The following SLC25A26 variants were observed in gnomAD, a reference collection of about 807,000 sequenced individuals.
SLC25A26 encodes the protein solute carrier family 25 member 26.
In SLC25A26, 36 loss-of-function variants were observed where a neutral mutation model predicts 37.8. That is an observed-to-expected ratio of 0.95 (90% CI 0.73 to 1.26). The LOEUF is 1.26. SLC25A26 is among the 50% of genes most tolerant of loss of function. The pLI is 0.00. For missense variants in SLC25A26, 390 were observed against 331.1 expected, an observed-to-expected ratio of 1.18 and a Z score of -1.38; for synonymous variants, 129 against 122.5, an observed-to-expected ratio of 1.05 and a Z score of -0.35.
At chr3:66,342,642 T>G (rs2076234785) in intron 5 of SLC25A26, among the ~76,000 whole-genome samples, 1 of 152,190 alleles carries the variant, frequency 6.6e-6, no homozygotes, top group Non-Finnish European at 1.5e-5. Context: ...GTGCTCATAA[T>G]GTAATTTTGT....
intron 1 of SLC25A26, among the ~76,000 whole-genome samples, chr3:66,190,639 G>T (rs1433913397): frequency 2.6e-5 from 4 of 152,088 alleles, no homozygotes; most frequent in African/African-American, 9.7e-5. Flanking sequence ...ATGTTGGCCA[G>T]GCTGGTCTCA....
At chr3:66,134,017 G>A (rs1054821164) in intron 1 of SLC25A26, 7 of 152,134 alleles carry the variant, frequency 4.6e-5, no homozygotes, top group African/African-American at 7.2e-5. Flanking sequence ...AATACTCAGC[G>A]CCACCCACAA....
intron 1 of SLC25A26, 147 bp from the exon 2 acceptor site, chr3:66,236,397 G>T (rs1206891439): frequency 1.3e-5 from 6 of 470,696 alleles, no homozygotes; most frequent in African/African-American, 1.0e-4. Context: ...TTAGGCTGAC[G>T]GTCCTTTGTG....
In SLC25A26 at chr3:66,147,080, TCCCC is replaced by T. The variant is rs2070127387; in HGVS notation, c.-354+13097_-354+13100del. Among the ~76,000 whole-genome samples the T allele has an allele frequency of 6.8e-3, 17 of 2,502 alleles. 2 individuals are homozygous for T. The highest frequency in any genetic ancestry group is 0.013 in the Non-Finnish European group (17 of 1,316). The allele number at this position is 2,502 out of a possible 152,430, so 1.6% of individuals were successfully genotyped here. Reference sequence around the variant, plus strand: ...TTCCCTTCCCTCCCCTTCCCTTCCCTCCCCTCCCCTCCCCTCCCCTCCCCTCCCC... The same window carrying T: ...TTCCCTTCCCTCCCCTTCCCTTCCCTTCCCCTCCCCTCCCCTCCCCTCCCC... On this transcript the variant is annotated intron_variant, in intron 1 of 10. Transcript: ENST00000676754.
At chr3:66,373,069 G>A (rs948588848) in intron 9 of SLC25A26, among the ~76,000 whole-genome samples, 4 of 152,042 alleles carry the variant, frequency 2.6e-5, no homozygotes, top group Non-Finnish European at 5.9e-5. Flanking sequence ...AACAAACACC[G>A]CGTGTTCATT....
At chr3:66,278,169 G>C (rs973432451) in intron 5 of SLC25A26, among the ~76,000 whole-genome samples, 2 of 152,080 alleles carry the variant, frequency 1.3e-5, no homozygotes, top group Non-Finnish European at 2.9e-5. Flanking sequence ...TGTGAACTCT[G>C]CTATTTATGC....
At chr3:66,135,951 T>C (rs573282269) in intron 1 of SLC25A26, among the ~76,000 whole-genome samples, 4 of 152,358 alleles carry the variant, frequency 2.6e-5, no homozygotes, top group South Asian at 4.1e-4. Context: ...TACATCTTGG[T>C]CTTTGGCTAA....
chr3:66,197,937 AT>A (rs2071066190), intron 1 of SLC25A26, among the ~76,000 whole-genome samples: 1 of 152,138 alleles, frequency 6.6e-6, no homozygotes, highest in African/African-American at 2.4e-5. Flanking sequence ...AGGACAAGTG[AT>A]GGTCATAGAC....
At chr3:66,143,047 T>G (rs536184005) in intron 1 of SLC25A26, among the ~76,000 whole-genome samples, 187 of 152,276 alleles carry the variant, frequency 1.2e-3, no homozygotes, top group African/African-American at 4.4e-3. Flanking sequence ...GATTAAGATG[T>G]GAGCCACTGT....
chr3:66,315,166 T>G (rs1367009103), intron 5 of SLC25A26, among the ~76,000 whole-genome samples: 2 of 151,714 alleles, frequency 1.3e-5, no homozygotes, highest in African/African-American at 4.8e-5. Context: ...TTCTGCTAGC[T>G]TTGGGGTTTG....
intron 5 of SLC25A26, among the ~76,000 whole-genome samples, chr3:66,313,047 T>A (rs1401683944): frequency 2.6e-5 from 4 of 152,210 alleles, no homozygotes; most frequent in Non-Finnish European, 5.9e-5. Flanking sequence ...GATGGATGGA[T>A]AGCAAAAATT....
intron 5 of SLC25A26, among the ~76,000 whole-genome samples, chr3:66,333,076 A>C (rs1240898328): frequency 1.3e-5 from 2 of 151,818 alleles, no homozygotes; most frequent in Non-Finnish European, 2.9e-5. Context: ...TTTTTTCCTG[A>C]AGTACTATGT....
intron 1 of SLC25A26, among the ~76,000 whole-genome samples, chr3:66,140,542 A>C: frequency 6.6e-6 from 1 of 152,234 alleles, no homozygotes; most frequent in East Asian, 1.9e-4. Flanking sequence ...AATGAATTCA[A>C]CTAACATACA....
chr3:66,221,859 C>G (rs1323604346), intron 1 of SLC25A26, among the ~76,000 whole-genome samples: 1 of 150,510 alleles, frequency 6.6e-6, no homozygotes, highest in East Asian at 1.9e-4. Context: ...TGGGCAGAGA[C>G]AGACAAATAA....
At chr3:66,360,608 T>G (rs1257055931) in intron 6 of SLC25A26, among the ~76,000 whole-genome samples, 1 of 152,178 alleles carries the variant, frequency 6.6e-6, no homozygotes, top group Non-Finnish European at 1.5e-5. Flanking sequence ...TTCTGCATAT[T>G]AGCAATGAAC....
At chr3:66,200,854 C>T (rs889185668) in intron 1 of SLC25A26, among the ~76,000 whole-genome samples, 2 of 152,070 alleles carry the variant, frequency 1.3e-5, no homozygotes, top group Admixed American at 6.5e-5. Flanking sequence ...AACTGCTTCC[C>T]GAGAAAATGC....
intron 1 of SLC25A26, among the ~76,000 whole-genome samples, chr3:66,221,588 T>C (rs1183742868): frequency 2.0e-5 from 3 of 152,046 alleles, no homozygotes; most frequent in Admixed American, 6.6e-5. Flanking sequence ...GTCCTTCTGT[T>C]CATTCAATAC....
At chr3:66,334,018 T>C (rs1003859502) in intron 5 of SLC25A26, among the ~76,000 whole-genome samples, 23 of 152,312 alleles carry the variant, frequency 1.5e-4, no homozygotes, top group African/African-American at 5.1e-4. Context: ...GGAATCTTTT[T>C]GGGCCTAGAT....
upstream of SLC25A26, among the ~76,000 whole-genome samples, chr3:66,217,626 G>T (rs898946786): frequency 0.13 from 19,752 of 151,452 alleles, 1,582 homozygotes; most frequent in East Asian, 0.34. Context: ...TCAGCTCACC[G>T]CAACCTCCAC....
Sources: allele counts gnomAD v4.1 joint callset (sites outside exome capture counted in the v4.1 genomes callset), GRCh38; gene constraint gnomAD v4.1.1; transcripts MANE v1.5; gene names NCBI Gene and HGNC (gene_info 2026-07-23, HGNC 2026-07-21).